CLTC: variants seen among roughly 807,000 people sequenced by gnomAD.
The protein encoded by CLTC is clathrin heavy chain, also known as clathrin heavy chain 1.
In CLTC, 16 loss-of-function variants were observed where a neutral mutation model predicts 195.8. The ratio of observed to expected loss-of-function variants is 0.08; its 90% CI spans 0.06 to 0.12. The LOEUF is 0.12. CLTC is among the 10% of genes least tolerant of loss of function. The probability of loss-of-function intolerance (pLI) is 1.00; values close to 1 mark genes in which losing one functional copy is unlikely to be tolerated. For synonymous variants in CLTC, 667 were observed against 689.4 expected, an observed-to-expected ratio of 0.97 and a Z score of 0.51; for missense variants, 796 against 2,027.0, an observed-to-expected ratio of 0.39 and a Z score of 11.66.
rs574851433 is a variant in CLTC, at chr17:59,674,149, A to G, written c.2418+377A>G. The stretch of plus-strand genomic sequence containing the variant: ...TAGCAAGCCGACTCAGGGAAGGGGG[A>G]AAAAAAAAACATGCATGCCAAGTGT... On this transcript the variant is annotated intron_variant, in intron 15 of 31. Transcript: ENST00000269122. Among the ~76,000 whole-genome samples the G allele has an allele frequency of 4.8e-5, 7 of 146,734 alleles. No individual in the cohort carries two copies. In the East Asian group the frequency reaches 5.8e-4, roughly 12 times the overall value.
chr17:59,628,028 A>G (rs1384291276), intron 1 of CLTC, among the ~76,000 whole-genome samples: 1 of 152,230 alleles, frequency 6.6e-6, no homozygotes, highest in Non-Finnish European at 1.5e-5. Flanking sequence ...GGTAGAAAGG[A>G]AAATGGTTAC....
chr17:59,669,388 T>C (rs1460524074), intron 14 of CLTC, among the ~76,000 whole-genome samples: 1 of 152,150 alleles, frequency 6.6e-6, no homozygotes, highest in Admixed American at 6.5e-5. Flanking sequence ...TGCTCAACTC[T>C]AGAAACTAAA....
intron 1 of CLTC, among the ~76,000 whole-genome samples, chr17:59,622,458 G>A (rs767736105): frequency 3.9e-5 from 6 of 152,102 alleles, no homozygotes; most frequent in Non-Finnish European, 8.8e-5. Flanking sequence ...GCTCACTGCA[G>A]CCTTGACCTA....
intron 1 of CLTC, among the ~76,000 whole-genome samples, chr17:59,623,906 C>T (rs912837032): frequency 6.6e-6 from 1 of 152,140 alleles, no homozygotes; most frequent in Non-Finnish European, 1.5e-5. Context: ...ACAATTGACT[C>T]CTACATTGGA....
intron 1 of CLTC, among the ~76,000 whole-genome samples, chr17:59,632,336 C>A (rs915216910): frequency 6.8e-6 from 1 of 147,448 alleles, no homozygotes; most frequent in Non-Finnish European, 1.5e-5. Context: ...CCACTGCACT[C>A]CAGCCTGGGC....
chr17:59,643,174 G>A (rs2032092112), intron 1 of CLTC, among the ~76,000 whole-genome samples: 1 of 118,682 alleles, frequency 8.4e-6, no homozygotes, highest in South Asian at 3.0e-4. Flanking sequence ...TGTGTATTTT[G>A]TACCATGCGA....
chr17:59,685,645 A>G lies in CLTC; in HGVS notation c.4664A>G (p.Gln1555Arg). ...ACTGAATTGGCTGAAGAACTCCTGC[A>G]GTGGTTTTTGCAGGAAGAAAAAAGA... ...KDTELAEELL[Q>R]WFLQEEKREC... Residue 1555 changes from glutamine to arginine, a missense_variant, in exon 30 of 32, where the codon CAG (glutamine) becomes CGG (arginine). Transcript: ENST00000269122. The surrounding 1 kb of genome is among the most constrained non-coding windows in gnomAD (Gnocchi z 5.0). 1 of 1,614,118 alleles carries G rather than the reference A, an allele frequency of 6.2e-7. No individual in the cohort carries two copies. The highest frequency in any genetic ancestry group is 1.1e-5 in the South Asian group (1 of 91,080).
chr17:59,637,987 T>A (rs1573940), intron 1 of CLTC, among the ~76,000 whole-genome samples: 127,248 of 146,172 alleles, frequency 0.87, 55,346 homozygotes, highest in East Asian at 0.94. Flanking sequence ...AAACAAACTT[T>A]AAAAAAAAAA....
intron 1 of CLTC, among the ~76,000 whole-genome samples, chr17:59,635,654 T>G (rs902762435): frequency 1.3e-5 from 2 of 152,234 alleles, no homozygotes; most frequent in African/African-American, 4.8e-5. Flanking sequence ...GCTAGCATTT[T>G]CTGCCCTTCT....
At chr17:59,651,167 A>T in intron 4 of CLTC, 36 bp from the exon 5 acceptor site, 2 of 1,314,394 alleles carry the variant, frequency 1.5e-6, no homozygotes, top group Non-Finnish European at 2.2e-6. Flanking sequence ...CTGCTAATGT[A>T]TAGGTTTATA....
intron 6 of CLTC, among the ~76,000 whole-genome samples, chr17:59,657,048 C>T (rs1292255756): frequency 6.6e-6 from 1 of 152,154 alleles, no homozygotes; most frequent in Non-Finnish European, 1.5e-5. Context: ...TTTAAAAATA[C>T]TGTTACTGGT....
At position 59,674,236 on chromosome 17, in the gene CLTC, C is replaced by T. The variant is rs192457515; in HGVS notation, c.2418+464C>T. ...GTTGGGTGGCCTAGGGCCTTACTAA[C>T]TTGATAGACCCTGAGGTATCCATGT... On this transcript the variant is annotated intron_variant, in intron 15 of 31. Transcript: ENST00000269122. Among the ~76,000 whole-genome samples the T allele has an allele frequency of 5.3e-4, 81 of 152,164 alleles. 1 individual carries two copies. The highest frequency in any genetic ancestry group is 1.5e-3 in the Admixed American group (23 of 15,282).
At chr17:59,632,475 G>C (rs1204291730) in intron 1 of CLTC, among the ~76,000 whole-genome samples, 1 of 151,660 alleles carries the variant, frequency 6.6e-6, no homozygotes, top group Non-Finnish European at 1.5e-5. Flanking sequence ...AAAGGGCTTA[G>C]TGTTTGGAAC....
intron 1 of CLTC, among the ~76,000 whole-genome samples, chr17:59,631,579 A>T (rs997484815): frequency 6.6e-6 from 1 of 152,242 alleles, no homozygotes; most frequent in South Asian, 2.1e-4. Context: ...AAACATACAT[A>T]AACAATTGGT....
intron 1 of CLTC, among the ~76,000 whole-genome samples, chr17:59,627,059 C>T (rs1043438068): frequency 8.8e-4 from 75 of 85,324 alleles, no homozygotes; most frequent in African/African-American, 2.2e-3. Context: ...CCACCAAACC[C>T]GGCTAATTTT....
Position 59,693,759 on chromosome 17 carries a change from C to T in CLTC, c.4935C>T (p.Pro1645=), listed in dbSNP as rs1598251927. 5 of 1,613,844 alleles carry T rather than the reference C, an allele frequency of 3.1e-6. No homozygotes were observed. Among genetic ancestry groups the T allele is most frequent in the Non-Finnish European group, 4.2e-6 (5 of 1,179,848 alleles). The part of the protein sequence containing the change: ...GQPQLMLTAG[P]SVAVPPQAPF... ...CCCAGTTGATGCTGACAGCAGGACC[C>T]AGTGTTGCCGTCCCTCCCCAGGCAC... The change falls in exon 32 of 32, where the codon CCC becomes CCT. Residue 1645 remains proline, a synonymous_variant. Transcript: ENST00000269122.
rs1388366981 is a variant in CLTC at position 59,648,903 on chromosome 17, C to T, written c.681+502C>T. ...AGAGACAGGGTCTCACTATACTGCC[C>T]AGGCTGGTCTCAAACCTCTGGGTCC... is the stretch of plus-strand genomic sequence containing the variant. On this transcript the variant is annotated intron_variant, in intron 4 of 31. Coordinates refer to ENST00000269122, the MANE Select transcript of CLTC (RefSeq NM_004859.4). The surrounding 1 kb of genome is among the most constrained non-coding windows in gnomAD (Gnocchi z 4.5). 6.6e-6 allele frequency among the ~76,000 whole-genome samples: 1 copy of T among 152,166 alleles called. No individual in the cohort carries two copies. The highest frequency in any genetic ancestry group is 1.5e-5 in the Non-Finnish European group (1 of 68,030).
chr17:59,656,262 A>G lies in CLTC; in HGVS notation c.969+235A>G, dbSNP rs182852276. ...TATATACCTAAAAATAGAGATGTGT[A>G]TGAATACAAAGTCTCTCTTTAATCC... On this transcript the variant is annotated intron_variant, in intron 6 of 31. Coordinates refer to ENST00000269122, the MANE Select transcript of CLTC (RefSeq NM_004859.4). 7.9e-4 allele frequency: 291 copies of G among 368,206 alleles called. 1 individual carries two copies. The highest frequency in any genetic ancestry group is 5.4e-3 in the African/African-American group (250 of 46,074). 22.8% of individuals were successfully genotyped at this position (368,206 alleles called of 1,614,324 possible).
At position 59,688,892 on chromosome 17, in the gene CLTC, T is replaced by G. The variant is rs571466364; in HGVS notation, c.4828-1744T>G. 2.6e-5 allele frequency among the ~76,000 whole-genome samples: 4 copies of G among 152,320 alleles called. No individual in the cohort carries two copies. The East Asian group carries it at 7.7e-4, about 29-fold the overall frequency. On this transcript the variant is annotated intron_variant, in intron 30 of 31. Coordinates refer to ENST00000269122, the MANE Select transcript of CLTC (RefSeq NM_004859.4). ...GAAGTTACTAATATACAGGCATCCA[T>G]GTATTTTTCTTTATAACTTCTGTAG...
Sources: allele counts gnomAD v4.1 joint callset (sites outside exome capture counted in the v4.1 genomes callset), GRCh38; gene constraint gnomAD v4.1.1; non-coding constraint Gnocchi (gnomAD v3.1); transcripts MANE v1.5; gene names NCBI Gene and HGNC (gene_info 2026-07-23, HGNC 2026-07-21).